Variants in ZNF532 observed in about 807,000 individuals in gnomAD.
The protein encoded by ZNF532 is zinc finger protein 532.
In ZNF532, 22 loss-of-function variants were observed where a neutral mutation model predicts 89.3. The observed-to-expected ratio is 0.25, with a 90% CI of 0.18 to 0.35. The LOEUF (loss-of-function observed/expected upper bound fraction) is 0.35, where lower values mean the gene tolerates loss of function less well. ZNF532 is among the 10% of genes least tolerant of loss of function. The probability of loss-of-function intolerance (pLI) is 1.00; values close to 1 mark genes in which losing one functional copy is unlikely to be tolerated. For synonymous variants in ZNF532, 606 were observed against 649.6 expected (o/e 0.93, Z 1.02); for missense variants, 1,132 against 1,643.4 (o/e 0.69, Z 5.38).
chr18:58,874,445 A>G (rs1471943282), intron 2 of ZNF532, among the ~76,000 whole-genome samples: 1 of 152,168 alleles, frequency 6.6e-6, no homozygotes, highest in East Asian at 1.9e-4. Context: ...CCCAGGTTCA[A>G]GCGATTCTTC....
intron 2 of ZNF532, chr18:58,916,857 T>C: frequency 2.1e-6 from 1 of 480,306 alleles, no homozygotes; most frequent in Non-Finnish European, 2.7e-6. Flanking sequence ...TTATTAGGAA[T>C]GTGTGATGTT....
At chr18:58,880,699 A>T (rs2057806591) in intron 2 of ZNF532, among the ~76,000 whole-genome samples, 1 of 148,714 alleles carries the variant, frequency 6.7e-6, no homozygotes, top group Admixed American at 6.8e-5. Flanking sequence ...GTTCAAACCT[A>T]AAGTTCAGGG....
At chr18:58,888,686 C>CA (rs1159663312) in intron 2 of ZNF532, among the ~76,000 whole-genome samples, 15 of 30,638 alleles carry the variant, frequency 4.9e-4, no homozygotes, top group South Asian at 1.9e-3. Context: ...CCAAGGAAGG[C>CA]AAAAAAAAAA....
At chr18:58,912,365 TAACTC>T (rs1230701428) in intron 2 of ZNF532, among the ~76,000 whole-genome samples, 1 of 152,252 alleles carries the variant, frequency 6.6e-6, no homozygotes, top group Non-Finnish European at 1.5e-5. Context: ...AATTTCTTGT[TAACTC>T]ATACAGAATT....
chr18:58,884,654 G>A (rs1188955682), intron 2 of ZNF532, among the ~76,000 whole-genome samples: 1 of 152,198 alleles, frequency 6.6e-6, no homozygotes, highest in African/African-American at 2.4e-5. Flanking sequence ...CCAAAGGAAT[G>A]CTTCTAAAGT....
At chr18:58,884,536 A>G (rs1393594645) in intron 2 of ZNF532, among the ~76,000 whole-genome samples, 1 of 152,228 alleles carries the variant, frequency 6.6e-6, no homozygotes, top group Non-Finnish European at 1.5e-5. Context: ...AATTGCTTTG[A>G]AGTTATTCTT....
intron 2 of ZNF532, among the ~76,000 whole-genome samples, chr18:58,881,333 A>G (rs1318144492): frequency 6.6e-6 from 1 of 152,028 alleles, no homozygotes; most frequent in South Asian, 2.1e-4. Flanking sequence ...ACGGGGTTTC[A>G]CCATGTTGGC....
rs1369877025 is a variant in ZNF532 at position 58,940,939 on chromosome 18, C to CACACACACACACAT, written c.2705+1331_2705+1332insTACACACACACACA. Among the ~76,000 whole-genome samples the CACACACACACACAT allele has an allele frequency of 3.4e-3, 480 of 140,698 alleles. 6 individuals are homozygous for CACACACACACACAT. The highest frequency in any genetic ancestry group is 0.012 in the African/African-American group (472 of 39,702). 92.3% of individuals were successfully genotyped at this position (140,698 alleles called of 152,430 possible). A position where few individuals can be genotyped will look rare whatever the true frequency, so the allele number is the denominator to read the frequency against. ...GCCATATTTTACACACACACACACACACACACACACACACACACACTCTTT... is the reference window on the plus strand; with the variant it reads ...GCCATATTTTACACACACACACACACACACACACACACATACACACACACACACACACACTCTTT... On this transcript the variant is annotated intron_variant, in intron 5 of 9. Transcript: ENST00000591808.
rs2060807275 is a variant in ZNF532, at chr18:58,918,875, G to C, written c.588G>C (p.Glu196Asp). The C allele has an allele frequency of 6.2e-7, 1 of 1,614,132 alleles. No homozygotes were observed. The change falls in exon 3 of 10, where the codon GAG (glutamate) becomes GAC (aspartate). Residue 196 changes from glutamate to aspartate, a missense_variant. Physicochemically the swap from Glu to Asp is conservative, Grantham distance 45. This residue lies in a region of ZNF532 where 302 missense variants were observed against 319.8 expected (regional missense o/e 0.94). Transcript: ENST00000591808. ...GACTCTCTACGTCAGGCAATGTGGAGAAAAACAAAGCTGTTAAGAGAGAAA... is the reference window on the plus strand; with the variant it reads ...GACTCTCTACGTCAGGCAATGTGGACAAAAACAAAGCTGTTAAGAGAGAAA... Reference protein sequence around the residue: ...KTGLSTSGNVEKNKAVKRETE... With the variant: ...KTGLSTSGNVDKNKAVKRETE...
At chr18:58,965,488 G>C (rs756059957) in intron 7 of ZNF532, among the ~76,000 whole-genome samples, 1 of 152,224 alleles carries the variant, frequency 6.6e-6, no homozygotes, top group Non-Finnish European at 1.5e-5. Context: ...CTTAATTTTA[G>C]TCTCCTTGAA....
intron 4 of ZNF532, among the ~76,000 whole-genome samples, chr18:58,936,311 A>T (rs992374402): frequency 6.6e-6 from 1 of 152,236 alleles, no homozygotes; most frequent in Non-Finnish European, 1.5e-5. Flanking sequence ...TTTTGAAACT[A>T]TTATTAATGG....
chr18:58,890,626 A>G (rs566415368), intron 2 of ZNF532, among the ~76,000 whole-genome samples: 2 of 149,576 alleles, frequency 1.3e-5, no homozygotes, highest in East Asian at 3.9e-4. Flanking sequence ...TTTAAAAAGT[A>G]AGGAAGGATA....
At chr18:58,863,395 G>C (rs2056124275), upstream of ZNF532, 2 of 142,900 alleles carry the variant, frequency 1.4e-5, no homozygotes, top group Admixed American at 1.4e-4. Flanking sequence ...GGCGCCCGCC[G>C]GCCGCGGGGC....
intron 2 of ZNF532, among the ~76,000 whole-genome samples, chr18:58,898,322 A>G (rs907834240): frequency 6.6e-6 from 1 of 152,234 alleles, no homozygotes; most frequent in African/African-American, 2.4e-5. Flanking sequence ...CACCATCATC[A>G]TAATGGCTCC....
chr18:58,919,735 C>T lies in ZNF532; in HGVS notation c.1448C>T (p.Ala483Val). The part of the protein sequence containing the change: ...NTTVKATVIS[A>V]ASVQSASSAI... Reference sequence around the variant, plus strand: ...ACGGTGAAAGCCACGGTCATATCTGCTGCCTCTGTCCAGAGTGCCAGCAGC... The same window carrying T: ...ACGGTGAAAGCCACGGTCATATCTGTTGCCTCTGTCCAGAGTGCCAGCAGC... Residue 483 changes from alanine (A) to valine (V), a missense_variant, in exon 3 of 10, where the codon GCT (alanine) becomes GTT (valine). Ala to Val is a moderately conservative substitution (Grantham distance 64, BLOSUM62 0). Coordinates refer to ENST00000591808, the MANE Select transcript of ZNF532 (RefSeq NM_001375912.1). This position sits in a 1 kb window ranked among gnomAD's most constrained non-coding sequence, Gnocchi z 6.1. The T allele has an allele frequency of 6.2e-7, 1 of 1,614,148 alleles. No homozygotes were observed. The highest frequency in any genetic ancestry group is 8.5e-7 in the Non-Finnish European group (1 of 1,180,036).
At chr18:58,932,293 A>T (rs2062028074) in intron 3 of ZNF532, 1 of 152,230 alleles carries the variant, frequency 6.6e-6, no homozygotes, top group Admixed American at 6.5e-5. Context: ...GATACATTCC[A>T]ATGAATTTAA....
chr18:58,909,759 G>A (rs772635649), intron 2 of ZNF532, among the ~76,000 whole-genome samples: 7 of 152,146 alleles, frequency 4.6e-5, no homozygotes, highest in Non-Finnish European at 8.8e-5. Context: ...ACTATTCAGC[G>A]ACGGCATGCA....
chr18:58,889,730 G>A (rs962980899), intron 2 of ZNF532, among the ~76,000 whole-genome samples: 4 of 151,786 alleles, frequency 2.6e-5, no homozygotes, highest in Non-Finnish European at 4.4e-5. Flanking sequence ...CCGAGGTCAC[G>A]CCACTGCACT....
chr18:58,919,124 T>C lies in ZNF532; in HGVS notation c.837T>C (p.Ala279=). ...TCGCTGCCATCGCGGCTCTCAGCGCTAAAAAGGCGGCTTCAGACTCCTGCA... is the reference window on the plus strand; with the variant it reads ...TCGCTGCCATCGCGGCTCTCAGCGCCAAAAAGGCGGCTTCAGACTCCTGCA... ...SCIAAIAALS[A]KKAASDSCKE... is the part of the protein sequence containing the mutation. The change falls in exon 3 of 10, where the codon GCT becomes GCC. Residue 279 remains alanine, a synonymous_variant. Transcript: ENST00000591808. The surrounding 1 kb of genome is among the most constrained non-coding windows in gnomAD (Gnocchi z 6.1). 1 of 1,614,092 alleles carries C rather than the reference T, an allele frequency of 6.2e-7. No homozygotes were observed. The highest frequency in any genetic ancestry group is 8.5e-7 in the Non-Finnish European group (1 of 1,180,024).
Sources: allele counts gnomAD v4.1 joint callset (sites outside exome capture counted in the v4.1 genomes callset), GRCh38; gene constraint gnomAD v4.1.1; regional missense constraint gnomAD v4.1.1; non-coding constraint Gnocchi (gnomAD v3.1); transcripts MANE v1.5; gene names NCBI Gene and HGNC (gene_info 2026-07-23, HGNC 2026-07-21).